The following RIMS1 variants were observed in gnomAD, a reference collection of about 807,000 sequenced individuals.
RIMS1 encodes regulating synaptic membrane exocytosis 1, also known as regulating synaptic membrane exocytosis protein 1.
RIMS1 carries 83 observed loss-of-function variants against 214.1 expected under a neutral mutation model. The observed-to-expected ratio is 0.39, with a 90% confidence interval of 0.32 to 0.47. The LOEUF (loss-of-function observed/expected upper bound fraction) is 0.47. Among genes scored for constraint, RIMS1 ranks in the 20% least tolerant of loss-of-function variants. The pLI is 0.99. For synonymous variants in RIMS1, 793 were observed against 786.8 expected (o/e 1.01, Z -0.13); for missense variants, 2,050 against 2,161.8 (o/e 0.95, Z 1.03).
At chr6:72,228,913 T>C (rs890840866) in intron 6 of RIMS1, among the ~76,000 whole-genome samples, 1 of 151,944 alleles carries the variant, frequency 6.6e-6, no homozygotes, top group Non-Finnish European at 1.5e-5. Context: ...TTGTTATTTA[T>C]GTTGAGTATC....
At chr6:72,314,549 A>G (rs969957475) in intron 28 of RIMS1, among the ~76,000 whole-genome samples, 1 of 152,196 alleles carries the variant, frequency 6.6e-6, no homozygotes, top group Non-Finnish European at 1.5e-5. Context: ...TAACAATTTC[A>G]TACTCTGATA....
chr6:72,024,278 C>T (rs1815653257), intron 2 of RIMS1, among the ~76,000 whole-genome samples: 1 of 152,092 alleles, frequency 6.6e-6, no homozygotes, highest in Non-Finnish European at 1.5e-5. Flanking sequence ...GGTTTCTCTA[C>T]AAATTCTCAT....
At position 71,951,992 on chromosome 6, in the gene RIMS1, G is replaced by C. The variant is rs150200959; in HGVS notation, c.165-16991G>C. Among the ~76,000 whole-genome samples the C allele has an allele frequency of 1.4e-3, 206 of 152,246 alleles. 2 individuals are homozygous for C. The highest frequency in any genetic ancestry group is 4.9e-3 in the African/African-American group (202 of 41,558). ...GAGGTTGTCATGCTTTCTCCACCCA[G>C]GTCTCATGGAATGAAGTCAGATGAA... On this transcript the variant is annotated intron_variant, in intron 1 of 33. Coordinates refer to ENST00000521978, the MANE Select transcript of RIMS1 (RefSeq NM_014989.7).
intron 1 of RIMS1, among the ~76,000 whole-genome samples, chr6:71,947,538 T>C (rs1438329651): frequency 2.6e-5 from 4 of 152,034 alleles, no homozygotes; most frequent in South Asian, 2.1e-4. Flanking sequence ...TTATCAGAAG[T>C]TGGGGTGAGT....
intron 21 of RIMS1, 85 bp downstream of exon 21, chr6:72,265,588 T>A (rs1181793411): frequency 1.4e-6 from 1 of 723,750 alleles, no homozygotes; most frequent in Admixed American, 2.5e-5. Context: ...TTATTTCTCC[T>A]CTGATGTCCT....
intron 2 of RIMS1, among the ~76,000 whole-genome samples, chr6:72,059,420 G>A (rs1400469703): frequency 1.3e-5 from 2 of 152,072 alleles, no homozygotes; most frequent in South Asian, 2.1e-4. Flanking sequence ...GTTGAGACGG[G>A]GTTTTGCCAT....
chr6:72,144,536 C>T (rs1284148166), intron 4 of RIMS1, among the ~76,000 whole-genome samples: 1 of 152,038 alleles, frequency 6.6e-6, no homozygotes, highest in Admixed American at 6.6e-5. Context: ...CTGACATGAA[C>T]AGATAATTGG....
intron 2 of RIMS1, among the ~76,000 whole-genome samples, chr6:72,062,390 T>G (rs1462791686): frequency 6.6e-6 from 1 of 152,192 alleles, no homozygotes; most frequent in African/African-American, 2.4e-5. Flanking sequence ...CATCCCTGTC[T>G]CACTTCCTTT....
At chr6:72,230,325 C>G (rs927305547) in intron 6 of RIMS1, among the ~76,000 whole-genome samples, 1 of 151,536 alleles carries the variant, frequency 6.6e-6, no homozygotes. Flanking sequence ...TAGAGATAGT[C>G]AAGAAGTTCA....
chr6:72,357,140 T>C (rs1269811406), intron 29 of RIMS1, among the ~76,000 whole-genome samples: 2 of 152,202 alleles, frequency 1.3e-5, no homozygotes, highest in African/African-American at 4.8e-5. Context: ...GTTTAGCCTG[T>C]GGGCCAGAGA....
At chr6:72,361,664 G>C (rs2097830677) in intron 29 of RIMS1, among the ~76,000 whole-genome samples, 1 of 152,156 alleles carries the variant, frequency 6.6e-6, no homozygotes, top group Non-Finnish European at 1.5e-5. Flanking sequence ...TACTTCTGGA[G>C]GCTCTAAGAG....
chr6:72,044,711 T>C (rs180938940), intron 2 of RIMS1, among the ~76,000 whole-genome samples: 1 of 152,002 alleles, frequency 6.6e-6, no homozygotes, highest in East Asian at 1.9e-4. Context: ...CATTAACAAG[T>C]GTGGACAAAA....
chr6:72,035,238 C>T (rs1201372282), intron 2 of RIMS1, among the ~76,000 whole-genome samples: 1 of 152,056 alleles, frequency 6.6e-6, no homozygotes, highest in African/African-American at 2.4e-5. Context: ...TAAGAATTGC[C>T]TATTATTACC....
chr6:72,245,334 C>A (rs985343041), intron 10 of RIMS1, among the ~76,000 whole-genome samples: 4 of 151,872 alleles, frequency 2.6e-5, no homozygotes, highest in African/African-American at 9.7e-5. Context: ...CAAAGCAACT[C>A]ATCCTTTTCA....
At chr6:72,113,728 T>C (rs974298130) in intron 4 of RIMS1, among the ~76,000 whole-genome samples, 1 of 152,140 alleles carries the variant, frequency 6.6e-6, no homozygotes, top group Non-Finnish European at 1.5e-5. Flanking sequence ...TTTGCAACTG[T>C]AACTGGGCTG....
Position 72,341,707 on chromosome 6 carries a change from A to G in RIMS1, c.4366+7872A>G, listed in dbSNP as rs988459736. Among the ~76,000 whole-genome samples, 5 of 151,934 alleles carry G rather than the reference A, an allele frequency of 3.3e-5. No individual in the cohort carries two copies. In the South Asian group the frequency reaches 1.0e-3, roughly 31 times the overall value. The stretch of plus-strand genomic sequence containing the variant: ...AAAAACATAAAGTAAAATGCCCGAA[A>G]TAATAAAATCTAGTTCTATTTATGT... On this transcript the variant is annotated intron_variant, in intron 29 of 33. Transcript: ENST00000521978.
chr6:72,332,941 G>C (rs953613171), intron 28 of RIMS1, among the ~76,000 whole-genome samples: 1 of 151,846 alleles, frequency 6.6e-6, no homozygotes, highest in Non-Finnish European at 1.5e-5. Flanking sequence ...TACATCATGC[G>C]AGTGTGAGGC....
At chr6:72,269,440 G>T (rs2082029251) in intron 22 of RIMS1, among the ~76,000 whole-genome samples, 1 of 151,976 alleles carries the variant, frequency 6.6e-6, no homozygotes, top group Non-Finnish European at 1.5e-5. Context: ...TCTATAAAAG[G>T]TTCCCACTCC....
At chr6:72,306,075 T>A (rs1018517862) in intron 26 of RIMS1, among the ~76,000 whole-genome samples, 1 of 152,056 alleles carries the variant, frequency 6.6e-6, no homozygotes, top group Non-Finnish European at 1.5e-5. Flanking sequence ...GTCATTGCAA[T>A]GGAAAAAAAA....
Sources: allele counts gnomAD v4.1 joint callset (sites outside exome capture counted in the v4.1 genomes callset), GRCh38; gene constraint gnomAD v4.1.1; transcripts MANE v1.5; gene names NCBI Gene and HGNC (gene_info 2026-07-23, HGNC 2026-07-21).